ACADM: variants seen among roughly 807,000 people sequenced by gnomAD.
ACADM encodes medium-chain specific acyl-CoA dehydrogenase, mitochondrial.
ACADM carries 49 observed loss-of-function variants against 58.9 expected under a neutral mutation model. The ratio of observed to expected loss-of-function variants is 0.83; its 90% confidence interval spans 0.66 to 1.06. The LOEUF (loss-of-function observed/expected upper bound fraction) is 1.06. Ranked by LOEUF, ACADM falls within the 50% of genes least tolerant of loss-of-function variation. ACADM has a pLI of 0.00. For missense variants in ACADM, 496 were observed against 507.0 expected (o/e 0.98, Z 0.21); for synonymous variants, 160 against 157.7 (o/e 1.01, Z -0.11).
At chr1:75,753,795 C>CTTTTTTTTTTGTTTTTTTTTTTT (rs1648336048) in intron 10 of ACADM, among the ~76,000 whole-genome samples, 1 of 81,930 alleles carries the variant, frequency 1.2e-5, no homozygotes, top group Non-Finnish European at 2.2e-5. Flanking sequence ...CTGATAGCTT[C>CTTTTTTTTTTGTTTTTTTTTTTT]TTTTTTTTTT....
chr1:75,727,606 TTTC>T (rs751041814), intron 1 of ACADM, among the ~76,000 whole-genome samples: 34 of 152,152 alleles, frequency 2.2e-4, no homozygotes, highest in Non-Finnish European at 4.4e-4. Context: ...TGATTGTTTG[TTTC>T]TTTATATGTT....
chr1:75,759,118 T>C (rs1648679200), intron 10 of ACADM, among the ~76,000 whole-genome samples: 1 of 152,092 alleles, frequency 6.6e-6, no homozygotes, highest in Non-Finnish European at 1.5e-5. Flanking sequence ...AGACACACCA[T>C]CTTTAAGAGC....
intron 9 of ACADM, among the ~76,000 whole-genome samples, chr1:75,749,841 T>C (rs924218548): frequency 6.6e-6 from 1 of 150,964 alleles, no homozygotes; most frequent in Admixed American, 6.6e-5. Flanking sequence ...GCCTCATGAG[T>C]AGCTGGGACT....
At chr1:75,732,175 T>C (rs1264844093) in intron 2 of ACADM, among the ~76,000 whole-genome samples, 3 of 152,120 alleles carry the variant, frequency 2.0e-5, no homozygotes, top group South Asian at 2.1e-4. Flanking sequence ...AATTATGATA[T>C]TGATATTCTT....
intron 6 of ACADM, among the ~76,000 whole-genome samples, chr1:75,737,014 ATGCTATAAAT>A (rs1006659046): frequency 6.6e-6 from 1 of 151,952 alleles, no homozygotes; most frequent in Non-Finnish European, 1.5e-5. Flanking sequence ...TCTAATGGAT[ATGCTATAAAT>A]TGTTTCACTT....
intron 1 of ACADM, 50 bp from the exon 2 acceptor site, chr1:75,728,351 G>A (rs748276007): frequency 6.8e-7 from 1 of 1,475,276 alleles, no homozygotes; most frequent in South Asian, 1.2e-5. Flanking sequence ...TCTCTTATCT[G>A]ATTAATGTTT....
chr1:75,737,896 G>A (rs1647356894), intron 6 of ACADM, among the ~76,000 whole-genome samples: 1 of 151,966 alleles, frequency 6.6e-6, no homozygotes, highest in South Asian at 2.1e-4. Context: ...CCCTTCAGAT[G>A]TTTGAGTATA....
intron 6 of ACADM, 129 bp downstream of exon 6, chr1:75,735,000 C>T: frequency 1.3e-6 from 1 of 751,230 alleles, no homozygotes; most frequent in Non-Finnish European, 2.3e-6. Context: ...CATATTATTA[C>T]AATGATGTGT....
At chr1:75,743,624 A>G in intron 7 of ACADM, 2 of 1,549,194 alleles carry the variant, frequency 1.3e-6, no homozygotes, top group Non-Finnish European at 1.8e-6. Context: ...GGGGTTGATA[A>G]TGGGTGTTCA....
chr1:75,743,884 A>G (rs1647731043), intron 7 of ACADM: 2 of 1,430,608 alleles, frequency 1.4e-6, no homozygotes, highest in South Asian at 2.3e-5. Context: ...CACTGCGTTT[A>G]CAACAGGCTG....
chr1:75,746,075 A>C (rs1372613712), intron 8 of ACADM, among the ~76,000 whole-genome samples, 161 bp downstream of exon 8: 4 of 152,238 alleles, frequency 2.6e-5, no homozygotes, highest in Admixed American at 6.5e-5. Context: ...TATACTACTG[A>C]AGATTTTGTG....
At position 75,724,827 on chromosome 1, in the gene ACADM, A is replaced by T. The variant is rs759413479; in HGVS notation, c.30+10A>T. 1 of 1,481,224 alleles carries T rather than the reference A, an allele frequency of 6.8e-7. No individual in the cohort carries two copies. The allele number at this position is 1,481,224 out of a possible 1,614,324, so 91.8% of individuals were successfully genotyped here. On this transcript the variant is annotated intron_variant, in intron 1 of 11. Transcript: ENST00000370841. ...CGGGCGATGCTGCAGGGTGAGAGGGAGCCCAGCGGTGCGGTGGGGCTGGAA... is the reference window on the plus strand; with the variant it reads ...CGGGCGATGCTGCAGGGTGAGAGGGTGCCCAGCGGTGCGGTGGGGCTGGAA...
At chr1:75,730,523 A>AT (rs1433104987) in intron 2 of ACADM, among the ~76,000 whole-genome samples, 3 of 151,168 alleles carry the variant, frequency 2.0e-5, no homozygotes, top group Non-Finnish European at 4.4e-5. Flanking sequence ...ATAATACATA[A>AT]TACATACTTG....
intron 9 of ACADM, among the ~76,000 whole-genome samples, 153 bp downstream of exon 9, chr1:75,749,712 CTTTTTTTTTTTT>C (rs35897798): frequency 8.5e-6 from 1 of 118,162 alleles, no homozygotes; most frequent in African/African-American, 3.4e-5. Context: ...ACTTTTCTTT[CTTTTTTTTTTTT>C]TTTTTTTGAG....
chr1:75,758,866 G>A (rs1011839525), intron 10 of ACADM, among the ~76,000 whole-genome samples: 1 of 152,146 alleles, frequency 6.6e-6, no homozygotes, highest in Non-Finnish European at 1.5e-5. Flanking sequence ...GACAAATAAG[G>A]GAATAAAAAC....
chr1:75,731,016 G>C (rs1469816696), intron 2 of ACADM, among the ~76,000 whole-genome samples: 1 of 152,096 alleles, frequency 6.6e-6, no homozygotes, highest in Non-Finnish European at 1.5e-5. Flanking sequence ...GCTGGGCGCA[G>C]TGGCTCGGGC....
chr1:75,748,483 G>A lies in ACADM; in HGVS notation c.709-936G>A, dbSNP rs573057894. Among the ~76,000 whole-genome samples the A allele has an allele frequency of 4.6e-5, 7 of 152,250 alleles. No individual in the cohort carries two copies. The East Asian group carries it at 5.8e-4, about 13-fold the overall frequency. On this transcript the variant is annotated intron_variant, in intron 8 of 11. Transcript: ENST00000370841. ...ATTGCTAAAAAGGAGGGGAGTATCCGTCAACTAGTGAAAAGATAATGGATA... is the reference window on the plus strand; with the variant it reads ...ATTGCTAAAAAGGAGGGGAGTATCCATCAACTAGTGAAAAGATAATGGATA...
At chr1:75,758,745 G>C (rs548956948) in intron 10 of ACADM, among the ~76,000 whole-genome samples, 13 of 152,126 alleles carry the variant, frequency 8.5e-5, no homozygotes, top group Non-Finnish European at 1.8e-4. Flanking sequence ...AAAAATGCAC[G>C]AATCAGCGCT....
Position 75,732,348 on chromosome 1 carries a change from A to G in ACADM, c.119-296A>G, listed in dbSNP as rs7548695. 0.28 allele frequency among the ~76,000 whole-genome samples: 42,965 copies of G among 152,102 alleles called. 6,996 individuals carry two copies. The highest frequency in any genetic ancestry group is 0.69 in the East Asian group (3,552 of 5,172). On this transcript the variant is annotated intron_variant, in intron 2 of 11. Transcript: ENST00000370841. ...GGCTTAGGAACTAATAATAAGTTAA[A>G]CGTTTTTTATATCACCAATTGGAAA...
Sources: gnomAD v4.1 joint callset for allele counts (sites outside exome capture counted in the v4.1 genomes callset) on GRCh38, gnomAD v4.1.1 for gene constraint, MANE v1.5 for transcripts, NCBI Gene and HGNC (gene_info 2026-07-23, HGNC 2026-07-21) for gene names.